The following MPZL3 variants were observed in gnomAD, a reference collection of about 807,000 sequenced individuals.
MPZL3 encodes the protein myelin protein zero like 3.
A neutral mutation model predicts 24.8 loss-of-function variants in MPZL3; 23 were observed. The ratio of observed to expected loss-of-function variants is 0.93; its 90% confidence interval spans 0.67 to 1.31. MPZL3 has a LOEUF of 1.31. Ranked by LOEUF, MPZL3 falls within the 40% of genes most tolerant of loss-of-function variation. MPZL3 has a pLI of 0.00. For synonymous variants in MPZL3, 99 were observed against 106.5 expected (o/e 0.93, Z 0.44); for missense variants, 277 against 294.9 (o/e 0.94, Z 0.44).
At position 118,234,810 on chromosome 11, in the gene MPZL3, T is replaced by C. The variant is rs76994057; in HGVS notation, c.617+614A>G. Reference sequence around the variant, plus strand: ...AATGTAAGACTCCCCTCCCCTGACATAGATAATGGAGAAAAGGGGTTTTAC... The same window carrying C: ...AATGTAAGACTCCCCTCCCCTGACACAGATAATGGAGAAAAGGGGTTTTAC... On this transcript the variant is annotated intron_variant, in intron 4 of 5. Coordinates refer to ENST00000278949, the MANE Select transcript of MPZL3 (RefSeq NM_198275.3). Among the ~76,000 whole-genome samples the C allele has an allele frequency of 2.8e-3, 432 of 152,164 alleles. 19 individuals are homozygous for C. The East Asian group carries it at 0.07, about 25-fold the overall frequency.
intron 1 of MPZL3, among the ~76,000 whole-genome samples, chr11:118,251,736 G>C (rs1591501440): frequency 6.6e-6 from 1 of 152,090 alleles, no homozygotes; most frequent in African/African-American, 2.4e-5. Context: ...TCCCTTCTGT[G>C]ACTAGCAAAT....
chr11:118,246,178 C>T (rs562652998), intron 1 of MPZL3, among the ~76,000 whole-genome samples: 53 of 152,186 alleles, frequency 3.5e-4, no homozygotes, highest in Non-Finnish European at 7.1e-4. Flanking sequence ...ACTGGTGTTC[C>T]TCAGAGCTCC....
At chr11:118,240,141 C>T (rs1052093369) in intron 2 of MPZL3, 70 bp downstream of exon 2, 24 of 1,420,924 alleles carry the variant, frequency 1.7e-5, no homozygotes, top group Admixed American at 2.9e-5. Flanking sequence ...CTCAGGCATG[C>T]CTATGATTTG....
At chr11:118,247,482 G>A (rs1485886921) in intron 1 of MPZL3, among the ~76,000 whole-genome samples, 1 of 152,178 alleles carries the variant, frequency 6.6e-6, no homozygotes, top group Non-Finnish European at 1.5e-5. Context: ...GACATAGGAA[G>A]AGGTGTATTA....
At chr11:118,250,559 C>T (rs1949608179) in intron 1 of MPZL3, among the ~76,000 whole-genome samples, 1 of 150,306 alleles carries the variant, frequency 6.7e-6, no homozygotes, top group Admixed American at 6.6e-5. Context: ...TATGATAAAC[C>T]AGTTGTTTCT....
intron 2 of MPZL3, among the ~76,000 whole-genome samples, chr11:118,237,995 G>A (rs1027854826): frequency 6.6e-6 from 1 of 152,050 alleles, no homozygotes; most frequent in African/African-American, 2.4e-5. Flanking sequence ...AAATTAGCCA[G>A]GTGTGGTGGC....
chr11:118,243,628 C>T (rs556440204), intron 1 of MPZL3, among the ~76,000 whole-genome samples: 8 of 151,988 alleles, frequency 5.3e-5, no homozygotes, highest in Non-Finnish European at 7.4e-5. Context: ...AGAAATTAGC[C>T]AGGCATGGTG....
At chr11:118,233,026 G>A (rs1397391428) in intron 5 of MPZL3, among the ~76,000 whole-genome samples, 1 of 152,100 alleles carries the variant, frequency 6.6e-6, no homozygotes, top group Admixed American at 6.5e-5. Context: ...TTCCAGGGTG[G>A]TATTTCTTAT....
rs1243882201 is a variant in MPZL3 at position 118,233,071 on chromosome 11, TCA to T, written c.681+387_681+388del. Among the ~76,000 whole-genome samples the T allele has an allele frequency of 7.2e-5, 11 of 152,276 alleles. 1 individual carries two copies. The South Asian group carries it at 2.3e-3, about 32-fold the overall frequency. ...ACATCAAGTTACCTAAAAGGTTATATCAACCTAACTCCCTGAAAAATACTACA... is the reference window on the plus strand; with the variant it reads ...ACATCAAGTTACCTAAAAGGTTATATACCTAACTCCCTGAAAAATACTACA... On this transcript the variant is annotated intron_variant, in intron 5 of 5. Transcript: ENST00000278949.
intron 2 of MPZL3, 91 bp from the exon 3 acceptor site, chr11:118,237,351 A>G: frequency 8.6e-7 from 1 of 1,161,132 alleles, no homozygotes; most frequent in Non-Finnish European, 1.3e-6. Context: ...ATACAACTGT[A>G]TAATGGTGTG....
In MPZL3 at chr11:118,229,870, C is replaced by T. The variant is rs374349250; in HGVS notation, c.*24G>A. 2 of 1,612,976 alleles carry T rather than the reference C, an allele frequency of 1.2e-6. No homozygotes were observed. Among genetic ancestry groups the T allele is most frequent in the Non-Finnish European group, 1.7e-6 (2 of 1,179,302 alleles). ...GGATGTTTCCTGTCTTTAGGTGACT[C>T]TTCTTGTGTCATACAGACTTTCATC... On this transcript the variant is annotated 3_prime_UTR_variant, in exon 6 of 6. Transcript: ENST00000278949.
chr11:118,230,026 C>G (rs1348204215), intron 5 of MPZL3, 106 bp from the exon 6 acceptor site: 1 of 995,268 alleles, frequency 1.0e-6, no homozygotes, highest in Non-Finnish European at 1.5e-6. Context: ...GGGGAGACAG[C>G]CACAGTGAAA....
chr11:118,245,429 G>A (rs1001036813), intron 1 of MPZL3, among the ~76,000 whole-genome samples: 5 of 152,202 alleles, frequency 3.3e-5, no homozygotes, highest in African/African-American at 1.2e-4. Context: ...AAGAAGGGAA[G>A]TTTGAACTAA....
At chr11:118,232,684 A>C (rs1287252046) in intron 5 of MPZL3, among the ~76,000 whole-genome samples, 5 of 152,328 alleles carry the variant, frequency 3.3e-5, no homozygotes, top group East Asian at 1.9e-4. Flanking sequence ...GGTCCTCTGC[A>C]CTGGCATTAC....
chr11:118,235,910 A>G (rs1338764832), intron 3 of MPZL3, among the ~76,000 whole-genome samples: 1 of 151,874 alleles, frequency 6.6e-6, no homozygotes, highest in Non-Finnish European at 1.5e-5. Context: ...TTTTACTTAT[A>G]ATATGATAAA....
chr11:118,237,549 G>T (rs1022764445), intron 2 of MPZL3, among the ~76,000 whole-genome samples: 1 of 152,024 alleles, frequency 6.6e-6, no homozygotes, highest in Non-Finnish European at 1.5e-5. Flanking sequence ...AGAGATATTG[G>T]CAATATCTGA....
At chr11:118,238,094 G>A (rs768002324) in intron 2 of MPZL3, among the ~76,000 whole-genome samples, 10 of 151,748 alleles carry the variant, frequency 6.6e-5, no homozygotes, top group Non-Finnish European at 1.0e-4. Flanking sequence ...CCGAGATTGT[G>A]CCACTGCACT....
In MPZL3 at chr11:118,237,183, T is replaced by C; in HGVS notation, c.318A>G (p.Val106=). The C allele has an allele frequency of 1.9e-6, 3 of 1,614,150 alleles. No individual in the cohort carries two copies. Among genetic ancestry groups the C allele is most frequent in the Non-Finnish European group, 2.5e-6 (3 of 1,179,984 alleles). Residue 106 remains valine (V), a synonymous_variant, in exon 3 of 6, where the codon GTA becomes GTG. Coordinates refer to ENST00000278949, the MANE Select transcript of MPZL3 (RefSeq NM_198275.3). ...TACTTATAGATGCATCCCCTTTGTA[T>C]ACATTTCCAACCCAGGAAATCCGAT... ...FRDRISWVGN[V]YKGDASISIS...
intron 1 of MPZL3, among the ~76,000 whole-genome samples, chr11:118,242,196 G>A (rs11216829): frequency 0.22 from 32,823 of 152,174 alleles, 3,645 homozygotes; most frequent in Middle Eastern, 0.28. Context: ...CTTTCTGGTT[G>A]TGAGACCGTG....
Sources: allele counts gnomAD v4.1 joint callset (sites outside exome capture counted in the v4.1 genomes callset), GRCh38; gene constraint gnomAD v4.1.1; transcripts MANE v1.5; gene names NCBI Gene and HGNC (gene_info 2026-07-23, HGNC 2026-07-21).